The following GPC5 variants were observed in gnomAD, a reference collection of about 807,000 sequenced individuals.
The protein encoded by GPC5 is glypican 5.
Under a neutral mutation model 53.9 loss-of-function variants are expected in GPC5, and 47 were observed. That is an observed-to-expected ratio of 0.87 (90% CI 0.69 to 1.11). GPC5 has a LOEUF of 1.11. Among genes scored for constraint, GPC5 ranks in the 50% most tolerant of loss-of-function variants. GPC5 has a pLI of 0.00. For missense variants in GPC5, 748 were observed against 713.1 expected (o/e 1.05, Z -0.56); for synonymous variants, 286 against 263.3 (o/e 1.09, Z -0.84).
At chr13:91,524,849 C>G (rs1425405391) in intron 2 of GPC5, among the ~76,000 whole-genome samples, 1 of 152,180 alleles carries the variant, frequency 6.6e-6, no homozygotes, top group Non-Finnish European at 1.5e-5. Flanking sequence ...CATTAAATCC[C>G]TGTTCCCATT....
intron 7 of GPC5, among the ~76,000 whole-genome samples, chr13:92,683,556 T>G (rs1329014958): frequency 6.6e-6 from 1 of 152,196 alleles, no homozygotes; most frequent in Non-Finnish European, 1.5e-5. Context: ...AGGATTGATG[T>G]GGGTTATTTC....
intron 7 of GPC5, among the ~76,000 whole-genome samples, chr13:92,166,942 TCTCTCTCTCTCTCTCA>T (rs1369594794): frequency 1.4e-4 from 16 of 110,520 alleles, no homozygotes; most frequent in African/African-American, 5.6e-4. Context: ...TCTCTCTCTC[TCTCTCTCTCTCTCTCA>T]CACACACACA....
At chr13:92,598,603 G>A (rs1442843760) in intron 7 of GPC5, among the ~76,000 whole-genome samples, 3 of 152,072 alleles carry the variant, frequency 2.0e-5, no homozygotes, top group African/African-American at 4.8e-5. Context: ...TTTACTGTTT[G>A]TTTTTAATGT....
intron 7 of GPC5, among the ~76,000 whole-genome samples, chr13:92,778,657 A>C (rs1465529107): frequency 1.3e-5 from 2 of 152,174 alleles, no homozygotes; most frequent in Non-Finnish European, 2.9e-5. Context: ...GTTCTTACAT[A>C]CATCTTCAAC....
At chr13:91,472,350 G>A (rs530487474) in intron 2 of GPC5, among the ~76,000 whole-genome samples, 3 of 152,016 alleles carry the variant, frequency 2.0e-5, no homozygotes, top group Non-Finnish European at 4.4e-5. Flanking sequence ...TATCACCTGG[G>A]TTTATCTCTA....
intron 2 of GPC5, among the ~76,000 whole-genome samples, chr13:91,488,022 A>G (rs558269769): frequency 6.6e-6 from 1 of 151,992 alleles, no homozygotes; most frequent in Non-Finnish European, 1.5e-5. Context: ...AAAATGCATT[A>G]TATGCACATT....
Position 92,527,108 on chromosome 13 carries a change from AAAAGAAAGAAAGAAAGAAAGAAAGAAAG to A in GPC5, c.1562-339136_1562-339109del, listed in dbSNP as rs58356455. On this transcript the variant is annotated intron_variant, in intron 7 of 7. Coordinates refer to ENST00000377067, the MANE Select transcript of GPC5 (RefSeq NM_004466.6). ...TGAGATTCTGTAGGAAAAGAAAGAA[AAAAGAAAGAAAGAAAGAAAGAAAGAAAG>A]AAAGAAAGAAAGAAAGAAAGAAAGA... Among the ~76,000 whole-genome samples, 55 of 39,054 alleles carry A rather than the reference AAAAGAAAGAAAGAAAGAAAGAAAGAAAG, an allele frequency of 1.4e-3. 1 individual carries two copies. The highest frequency in any genetic ancestry group is 3.3e-3 in the African/African-American group (41 of 12,502). The allele number at this position is 39,054 out of a possible 152,430, so 25.6% of individuals were successfully genotyped here.
chr13:91,947,715 G>T (rs1594680763), intron 6 of GPC5, among the ~76,000 whole-genome samples: 1 of 152,074 alleles, frequency 6.6e-6, no homozygotes, highest in African/African-American at 2.4e-5. Flanking sequence ...TTATTTAGTA[G>T]ATTTCTGTCA....
At chr13:91,990,432 A>C (rs1466755823) in intron 6 of GPC5, among the ~76,000 whole-genome samples, 1 of 152,186 alleles carries the variant, frequency 6.6e-6, no homozygotes, top group Non-Finnish European at 1.5e-5. Context: ...GTATGTAAAA[A>C]TTGCAGCGTG....
At chr13:92,225,835 C>CT (rs2042481930) in intron 7 of GPC5, among the ~76,000 whole-genome samples, 1 of 151,974 alleles carries the variant, frequency 6.6e-6, no homozygotes, top group Non-Finnish European at 1.5e-5. Context: ...TTCCTCCACT[C>CT]TAACTGGTAA....
intron 5 of GPC5, among the ~76,000 whole-genome samples, chr13:91,817,487 A>G (rs912368853): frequency 2.0e-5 from 3 of 152,212 alleles, no homozygotes; most frequent in Non-Finnish European, 4.4e-5. Context: ...GATCTTTCCC[A>G]TAACAGTCAG....
chr13:92,342,325 A>T (rs977115711), intron 7 of GPC5, among the ~76,000 whole-genome samples: 1 of 152,094 alleles, frequency 6.6e-6, no homozygotes, highest in Non-Finnish European at 1.5e-5. Context: ...TGAACTGGCT[A>T]CTGGGGGACA....
chr13:91,817,403 C>T (rs1205770424), intron 5 of GPC5, among the ~76,000 whole-genome samples: 1 of 152,120 alleles, frequency 6.6e-6, no homozygotes, highest in African/African-American at 2.4e-5. Flanking sequence ...CAGAGAAGCT[C>T]ATGGAAATGC....
intron 2 of GPC5, among the ~76,000 whole-genome samples, chr13:91,499,305 T>C (rs1232344389): frequency 6.6e-6 from 1 of 152,070 alleles, no homozygotes; most frequent in Non-Finnish European, 1.5e-5. Flanking sequence ...AGGTAGTATG[T>C]GTTTAGATTT....
At chr13:91,654,535 CACAT>C (rs544930286) in intron 2 of GPC5, among the ~76,000 whole-genome samples, 297 of 152,160 alleles carry the variant, frequency 2.0e-3, no homozygotes, top group African/African-American at 6.9e-3. Flanking sequence ...AATATTAAAA[CACAT>C]ACATATATAC....
intron 7 of GPC5, among the ~76,000 whole-genome samples, chr13:92,649,130 TA>T (rs989768656): frequency 3.9e-5 from 6 of 152,286 alleles, no homozygotes; most frequent in African/African-American, 1.4e-4. Context: ...GGCATATTTC[TA>T]AATTAATAAG....
At chr13:91,679,589 A>C (rs79100292) in intron 2 of GPC5, among the ~76,000 whole-genome samples, 2,395 of 152,274 alleles carry the variant, frequency 0.016, 69 homozygotes, top group African/African-American at 0.054. Context: ...TTGCATTTGC[A>C]TTTATAGTAC....
At chr13:92,220,889 G>A (rs1241722619) in intron 7 of GPC5, among the ~76,000 whole-genome samples, 1 of 152,120 alleles carries the variant, frequency 6.6e-6, no homozygotes, top group Non-Finnish European at 1.5e-5. Context: ...TTGTTCATAT[G>A]TTGATATTTC....
intron 1 of GPC5, among the ~76,000 whole-genome samples, chr13:91,420,611 CCTCT>C (rs1259065760): frequency 1.3e-5 from 2 of 152,044 alleles, no homozygotes; most frequent in Non-Finnish European, 2.9e-5. Flanking sequence ...AAATCTATTT[CCTCT>C]CTCATATGGT....
Sources: allele counts gnomAD v4.1 joint callset (sites outside exome capture counted in the v4.1 genomes callset), GRCh38; gene constraint gnomAD v4.1.1; transcripts MANE v1.5; gene names NCBI Gene and HGNC (gene_info 2026-07-23, HGNC 2026-07-21).